The following CHRNB2 variants were observed in gnomAD, a reference collection of about 807,000 sequenced individuals.
CHRNB2 encodes the protein neuronal acetylcholine receptor subunit beta-2.
Under a neutral mutation model 42.7 loss-of-function variants are expected in CHRNB2, and 33 were observed. That is an observed-to-expected ratio of 0.77 (90% CI 0.59 to 1.03). CHRNB2 has a LOEUF of 1.03. CHRNB2 is among the 50% of genes least tolerant of loss of function. The pLI is 0.00. For missense variants in CHRNB2, 603 were observed against 700.9 expected, an observed-to-expected ratio of 0.86 and a Z score of 1.58; for synonymous variants, 325 against 292.9, an observed-to-expected ratio of 1.11 and a Z score of -1.12.
intron 1 of CHRNB2, among the ~76,000 whole-genome samples, chr1:154,568,513 C>G (rs1696102680): frequency 6.6e-6 from 1 of 152,164 alleles, no homozygotes; most frequent in South Asian, 2.1e-4. Context: ...CCTCCCCGGG[C>G]TCCCCATCGT....
rs905742084 is a variant in CHRNB2 at position 154,579,921 on chromosome 1, G to A, written c.*3989G>A. The stretch of plus-strand genomic sequence containing the variant: ...TTTGGGGGTTGGGAGAGAGCCCGTG[G>A]GGGCCAGCGTTGGCGAATACAGGAA... On this transcript the variant is annotated 3_prime_UTR_variant, in exon 6 of 6. Transcript: ENST00000368476. 3.3e-5 allele frequency: 5 copies of A among 152,348 alleles called. No homozygotes were observed. The highest frequency in any genetic ancestry group is 1.3e-4 in the Admixed American group (2 of 15,292). The allele number at this position is 152,348 out of a possible 1,614,324, so 9.4% of individuals were successfully genotyped here.
Position 154,571,122 on chromosome 1 carries a change from G to C in CHRNB2, c.366-67G>C. On this transcript the variant is annotated intron_variant, in intron 4 of 5. Coordinates refer to ENST00000368476, the MANE Select transcript of CHRNB2 (RefSeq NM_000748.3). This position sits in a 1 kb window ranked among gnomAD's most constrained non-coding sequence, Gnocchi z 6.8. ...CTGGTTTTGCTCTCCTCCCATTAGG[G>C]GCTGGGTTGATGGGTAAGGAGGAAG... 1 of 1,612,292 alleles carries C rather than the reference G, an allele frequency of 6.2e-7. No individual in the cohort carries two copies. The highest frequency in any genetic ancestry group is 8.5e-7 in the Non-Finnish European group (1 of 1,179,986).
Position 154,571,496 on chromosome 1 carries a change from AC to A in CHRNB2, c.674del (p.Thr225SerfsTer27). Reference sequence around the variant, plus strand: ...CGACGACTCTACGTACGTGGACATCACGTATGACTTCATCATTCGCCGCAAG... The same window carrying A: ...CGACGACTCTACGTACGTGGACATCAGTATGACTTCATCATTCGCCGCAAG... ...NPDDSTYVDI[T>X]YDFIIRRKPL... is the part of the protein sequence containing the mutation. On this transcript the variant is annotated frameshift_variant, in exon 5 of 6. Coordinates refer to ENST00000368476, the MANE Select transcript of CHRNB2 (RefSeq NM_000748.3). LOFTEE classifies it high-confidence loss of function. This position sits in a 1 kb window ranked among gnomAD's most constrained non-coding sequence, Gnocchi z 6.8. 1 of 1,613,836 alleles carries A rather than the reference AC, an allele frequency of 6.2e-7. No homozygotes were observed. The highest frequency in any genetic ancestry group is 8.5e-7 in the Non-Finnish European group (1 of 1,179,980).
In CHRNB2 at chr1:154,578,253, A is replaced by T. The variant is rs1050762299; in HGVS notation, c.*2321A>T. On this transcript the variant is annotated 3_prime_UTR_variant, in exon 6 of 6. Coordinates refer to ENST00000368476, the MANE Select transcript of CHRNB2 (RefSeq NM_000748.3). ...GCCTGGGCTACCCCGAGGCCCCAGC[A>T]GCTGCTGCTGTGGCTGTACTTGCTT... The T allele has an allele frequency of 1.3e-5, 2 of 152,296 alleles. No individual in the cohort carries two copies. The highest frequency in any genetic ancestry group is 6.5e-5 in the Admixed American group (1 of 15,280). The allele number at this position is 152,296 out of a possible 1,614,324, so 9.4% of individuals were successfully genotyped here.
At position 154,571,515 on chromosome 1, in the gene CHRNB2, G is replaced by A. The variant is rs201373530; in HGVS notation, c.692G>A (p.Arg231His). 10 of 1,613,766 alleles carry A rather than the reference G, an allele frequency of 6.2e-6. No homozygotes were observed. Among genetic ancestry groups the A allele is most frequent in the Non-Finnish European group, 8.5e-6 (10 of 1,179,970 alleles). Residue 231 changes from arginine (R) to histidine (H), a missense_variant, in exon 5 of 6, where the codon CGC becomes CAC. Arg to His is a conservative substitution (Grantham distance 29). Transcript: ENST00000368476. This position sits in a 1 kb window ranked among gnomAD's most constrained non-coding sequence, Gnocchi z 6.8. ...YVDITYDFII[R>H]RKPLFYTINL... ...GACATCACGTATGACTTCATCATTC[G>A]CCGCAAGCCGCTCTTCTACACCATC...
Position 154,576,064 on chromosome 1 carries a change from G to A in CHRNB2, c.*132G>A. 1 of 1,189,858 alleles carries A rather than the reference G, an allele frequency of 8.4e-7. No homozygotes were observed. Among genetic ancestry groups the A allele is most frequent in the Non-Finnish European group, 1.2e-6 (1 of 815,690 alleles). 73.7% of individuals were successfully genotyped at this position (1,189,858 alleles called of 1,614,324 possible). Reference sequence around the variant, plus strand: ...ACAGATCCATCCTTTTGCTTCATCTGGAGTCCCTCCTCCCCCACGCCTCCA... The same window carrying A: ...ACAGATCCATCCTTTTGCTTCATCTAGAGTCCCTCCTCCCCCACGCCTCCA... On this transcript the variant is annotated 3_prime_UTR_variant, in exon 6 of 6. Transcript: ENST00000368476.
At chr1:154,570,130 T>C in intron 3 of CHRNB2, 128 bp from the exon 4 acceptor site, 1 of 743,296 alleles carries the variant, frequency 1.3e-6, no homozygotes. Flanking sequence ...GGCAGAGAAG[T>C]CACTGTGGGG....
Position 154,578,324 on chromosome 1 carries a change from T to C in CHRNB2, c.*2392T>C, listed in dbSNP as rs1369344685. The C allele has an allele frequency of 1.3e-5, 2 of 152,226 alleles. No homozygotes were observed. Among genetic ancestry groups the C allele is most frequent in the Non-Finnish European group, 2.9e-5 (2 of 68,036 alleles). 9.4% of individuals were successfully genotyped at this position (152,226 alleles called of 1,614,324 possible). On this transcript the variant is annotated 3_prime_UTR_variant, in exon 6 of 6. Transcript: ENST00000368476. ...CTGTTGTCCAAGTTAAGTCACCAAA[T>C]GGTGCTAGAGGGGATGGCAGAGAGC... is the stretch of plus-strand genomic sequence containing the variant.
In CHRNB2 at chr1:154,572,143, C is replaced by T. The variant is rs1049048240; in HGVS notation, c.1320C>T (p.Ser440=). The change falls in exon 5 of 6, where the codon AGC becomes AGT. Residue 440 remains serine (S), a synonymous_variant. Coordinates refer to ENST00000368476, the MANE Select transcript of CHRNB2 (RefSeq NM_000748.3). The part of the protein sequence containing the change: ...GVRFIADHMR[S]EDDDQSVSED... The stretch of plus-strand genomic sequence containing the variant: ...GCTTCATCGCAGACCACATGCGGAG[C>T]GAGGACGATGACCAGAGCGTGAGTG... 8 of 1,537,688 alleles carry T rather than the reference C, an allele frequency of 5.2e-6. No individual in the cohort carries two copies. The highest frequency in any genetic ancestry group is 3.9e-5 in the Admixed American group (2 of 50,966).
chr1:154,573,239 T>C (rs1030080339), intron 5 of CHRNB2, among the ~76,000 whole-genome samples: 1 of 152,218 alleles, frequency 6.6e-6, no homozygotes, highest in African/African-American at 2.4e-5. Context: ...CTCAGCAGGC[T>C]GTGGTTACCG....
Position 154,576,830 on chromosome 1 carries a change from G to A in CHRNB2, c.*898G>A, listed in dbSNP as rs1168051311. The A allele has an allele frequency of 6.6e-6, 1 of 152,216 alleles. No homozygotes were observed. The highest frequency in any genetic ancestry group is 1.5e-5 in the Non-Finnish European group (1 of 68,052). The allele number at this position is 152,216 out of a possible 1,614,324, so 9.4% of individuals were successfully genotyped here. On this transcript the variant is annotated 3_prime_UTR_variant, in exon 6 of 6. Transcript: ENST00000368476. ...TTCCAACATAAGCCATGTTGCAGATGAAGAAACTGACCCACACGGTGAGAC... is the reference window on the plus strand; with the variant it reads ...TTCCAACATAAGCCATGTTGCAGATAAAGAAACTGACCCACACGGTGAGAC...
At position 154,567,949 on chromosome 1, in the gene CHRNB2, G is replaced by A; in HGVS notation, c.-96G>A. On this transcript the variant is annotated 5_prime_UTR_variant, in exon 1 of 6. Coordinates refer to ENST00000368476, the MANE Select transcript of CHRNB2 (RefSeq NM_000748.3). ...CACCTGGACCCAGCTCCAGGCGGGCGCGGCTTCAGCACCACGGACAGCGCC... is the reference window on the plus strand; with the variant it reads ...CACCTGGACCCAGCTCCAGGCGGGCACGGCTTCAGCACCACGGACAGCGCC... The A allele has an allele frequency of 1.7e-6, 2 of 1,182,946 alleles. No homozygotes were observed. The highest frequency in any genetic ancestry group is 4.0e-5 in the Admixed American group (1 of 25,082). The allele number at this position is 1,182,946 out of a possible 1,614,324, so 73.3% of individuals were successfully genotyped here. A position where few individuals can be genotyped will look rare whatever the true frequency, so the allele number is the denominator to read the frequency against.
chr1:154,571,253 T>C lies in CHRNB2; in HGVS notation c.430T>C (p.Phe144Leu). Reference protein sequence around the residue: ...NAVVSYDGSIFWLPPAIYKSA... With the variant: ...NAVVSYDGSILWLPPAIYKSA... ...CGTGGTCTCCTATGATGGCAGCATC[T>C]TCTGGCTGCCGCCTGCCATCTACAA... The change falls in exon 5 of 6, where the codon TTC becomes CTC. Residue 144 changes from phenylalanine to leucine, a missense_variant. This residue lies in a region of CHRNB2 where 333 missense variants were observed against 452.6 expected (regional missense o/e 0.74). Coordinates refer to ENST00000368476, the MANE Select transcript of CHRNB2 (RefSeq NM_000748.3). This position sits in a 1 kb window ranked among gnomAD's most constrained non-coding sequence, Gnocchi z 6.8. 1 of 1,614,242 alleles carries C rather than the reference T, an allele frequency of 6.2e-7. No homozygotes were observed. Among genetic ancestry groups the C allele is most frequent in the Non-Finnish European group, 8.5e-7 (1 of 1,180,038 alleles).
At chr1:154,573,295 G>A (rs947392952) in intron 5 of CHRNB2, among the ~76,000 whole-genome samples, 1 of 152,164 alleles carries the variant, frequency 6.6e-6, no homozygotes, top group African/African-American at 2.4e-5. Flanking sequence ...TGCATTTACC[G>A]AGCTAGGTGC....
chr1:154,569,698 C>T (rs1164004776), intron 2 of CHRNB2, 91 bp downstream of exon 2: 13 of 1,612,620 alleles, frequency 8.1e-6, no homozygotes, highest in Non-Finnish European at 1.1e-5. Flanking sequence ...CCTGGTGTTT[C>T]CAAGGCTTGG....
chr1:154,571,357 C>A lies in CHRNB2; in HGVS notation c.534C>A (p.Tyr178Ter), dbSNP rs1211673895. ...CCATGAAGTTCCGTTCGTGGACCTA[C>A]GACCGCACAGAGATCGACTTGGTGC... ...NCTMKFRSWT[Y>*]DRTEIDLVLK... Residue 178 changes from tyrosine to a stop codon, truncating the protein, a stop_gained, in exon 5 of 6, where the codon TAC becomes TAA. Transcript: ENST00000368476. LOFTEE classifies it high-confidence loss of function. The surrounding 1 kb of genome is among the most constrained non-coding windows in gnomAD (Gnocchi z 6.8). 9.9e-6 allele frequency: 16 copies of A among 1,614,214 alleles called. No individual in the cohort carries two copies. Among genetic ancestry groups the A allele is most frequent in the Non-Finnish European group, 1.4e-5 (16 of 1,180,044 alleles).
Position 154,568,060 on chromosome 1 carries a change from G to C in CHRNB2, c.16G>C (p.Gly6Arg). Residue 6 changes from glycine to arginine, a missense_variant, in exon 1 of 6, where the codon GGC becomes CGC. By Grantham distance (125) the Gly-to-Arg change is moderately radical (BLOSUM62 -2). This residue lies in a region of CHRNB2 where 333 missense variants were observed against 452.6 expected (regional missense o/e 0.74). Coordinates refer to ENST00000368476, the MANE Select transcript of CHRNB2 (RefSeq NM_000748.3). Reference protein sequence around the residue: MARRCGPVALLLGFGL... With the variant: MARRCRPVALLLGFGL... ...TGCCCGCGGCATGGCCCGGCGCTGC[G>C]GCCCCGTGGCGCTGCTCCTTGGCTT... 1 of 1,600,786 alleles carries C rather than the reference G, an allele frequency of 6.2e-7. No individual in the cohort carries two copies. Among genetic ancestry groups the C allele is most frequent in the Non-Finnish European group, 8.5e-7 (1 of 1,175,250 alleles).
intron 1 of CHRNB2, 35 bp from the exon 2 acceptor site, chr1:154,569,427 C>T (rs777679744): frequency 1.9e-6 from 3 of 1,612,080 alleles, no homozygotes; most frequent in South Asian, 2.2e-5. Context: ...GCTCTCCTTG[C>T]CTGCTTACTT....
rs1419368864 is a variant in CHRNB2, at chr1:154,577,529, C to T, written c.*1597C>T. ...AAAACGTAGGTGGCAATGCCCTCTT[C>T]CTGAGGTTGCTGGGAGGATAAGGCA... On this transcript the variant is annotated 3_prime_UTR_variant, in exon 6 of 6. Transcript: ENST00000368476. The T allele has an allele frequency of 6.6e-6, 1 of 152,258 alleles. No individual in the cohort carries two copies. The highest frequency in any genetic ancestry group is 1.5e-5 in the Non-Finnish European group (1 of 68,084). 9.4% of individuals were successfully genotyped at this position (152,258 alleles called of 1,614,324 possible). A position where few individuals can be genotyped will look rare whatever the true frequency, so the allele number is the denominator to read the frequency against.
Sources: gnomAD v4.1 joint callset for allele counts (sites outside exome capture counted in the v4.1 genomes callset) on GRCh38, gnomAD v4.1.1 for gene constraint, gnomAD v4.1.1 regional missense constraint, Gnocchi (gnomAD v3.1) non-coding constraint, MANE v1.5 for transcripts, NCBI Gene and HGNC (gene_info 2026-07-23, HGNC 2026-07-21) for gene names.